ALDOA: variants seen among roughly 807,000 people sequenced by gnomAD.
ALDOA encodes fructose-bisphosphate aldolase A.
A neutral mutation model predicts 43.9 loss-of-function variants in ALDOA; 26 were observed. That is an observed-to-expected ratio of 0.59 (90% CI 0.43 to 0.82). ALDOA has a LOEUF of 0.82. Among genes scored for constraint, ALDOA ranks in the 40% least tolerant of loss-of-function variants. ALDOA has a pLI of 0.00. For missense variants in ALDOA, 498 were observed against 549.5 expected (o/e 0.91, Z 0.94); for synonymous variants, 258 against 222.6 (o/e 1.16, Z -1.42).
In ALDOA at chr16:30,069,558, G is replaced by A; in HGVS notation, c.846G>A (p.Leu282=). ...SDHHIYLEGT[L]LKPNMVTPGH... Reference sequence around the variant, plus strand: ...ACCACATCTACCTGGAAGGCACCTTGCTGAAGCCCAACATGGTCACCCCAG... The same window carrying A: ...ACCACATCTACCTGGAAGGCACCTTACTGAAGCCCAACATGGTCACCCCAG... Residue 282 remains leucine (L), a synonymous_variant, in exon 8 of 10, where the codon TTG becomes TTA. Coordinates refer to ENST00000642816, the MANE Select transcript of ALDOA (RefSeq NM_001243177.4). 6.2e-7 allele frequency: 1 copy of A among 1,614,102 alleles called. No homozygotes were observed. Among genetic ancestry groups the A allele is most frequent in the East Asian group, 2.2e-5 (1 of 44,888 alleles).
Position 30,069,901 on chromosome 16 carries a change from C to T in ALDOA, c.1033C>T (p.Pro345Ser), listed in dbSNP as rs1283651383. 9 of 1,614,038 alleles carry T rather than the reference C, an allele frequency of 5.6e-6. No homozygotes were observed. Among genetic ancestry groups the T allele is most frequent in the South Asian group, 5.5e-5 (5 of 91,094 alleles). ...SINLNAINKC[P>S]LLKPWALTFS... Reference sequence around the variant, plus strand: ...CAACCTCAATGCCATTAACAAGTGCCCCCTGCTGAAGCCCTGGGCCCTGAC... The same window carrying T: ...CAACCTCAATGCCATTAACAAGTGCTCCCTGCTGAAGCCCTGGGCCCTGAC... Residue 345 changes from proline to serine, a missense_variant, in exon 9 of 10, where the codon CCC becomes TCC. Transcript: ENST00000642816.
chr16:30,069,123 G>A, intron 6 of ALDOA, 145 bp downstream of exon 6: 2 of 1,409,900 alleles, frequency 1.4e-6, no homozygotes, highest in Non-Finnish European at 2.0e-6. Flanking sequence ...GCTGTTGAAG[G>A]CAGAGGGGCC....
At chr16:30,066,187 C>G (rs750851321) in intron 1 of ALDOA, 25 of 152,374 alleles carry the variant, frequency 1.6e-4, no homozygotes, top group African/African-American at 5.8e-4. Flanking sequence ...GCAGGGACCC[C>G]TGTGGCAAAG....
Position 30,066,865 on chromosome 16 carries a change from C to T in ALDOA, c.-13-20C>T, listed in dbSNP as rs1354750681. 28 of 1,544,672 alleles carry T rather than the reference C, an allele frequency of 1.8e-5. No individual in the cohort carries two copies. Among genetic ancestry groups the T allele is most frequent in the East Asian group, 7.4e-5 (3 of 40,788 alleles). ...ACGATCTTTACATTCTAAAATACTC[C>T]GGTTCGGTTTTGTTTTCAGGCAAGG... On this transcript the variant is annotated intron_variant, in intron 1 of 9. Transcript: ENST00000642816.
chr16:30,069,096 G>A (rs758857222), intron 6 of ALDOA, 118 bp downstream of exon 6: 21 of 1,510,636 alleles, frequency 1.4e-5, no homozygotes, highest in African/African-American at 2.7e-5. Context: ...GCTTTGGCCC[G>A]TGGAGGACAC....
At chr16:30,064,395 G>A, upstream of ALDOA, 4 of 398,780 alleles carry the variant, frequency 1.0e-5, no homozygotes, top group Admixed American at 8.8e-5. Flanking sequence ...CACGTGATCC[G>A]AGTCCCCTCA....
At chr16:30,065,051 A>G (rs981512820), upstream of ALDOA, among the ~76,000 whole-genome samples, 2 of 152,250 alleles carry the variant, frequency 1.3e-5, no homozygotes, top group African/African-American at 4.8e-5. Flanking sequence ...TCTGTGGCGC[A>G]GAGGACTACC....
At chr16:30,069,252 A>AG in intron 6 of ALDOA, 54 bp from the exon 7 acceptor site, 3 of 1,573,150 alleles carry the variant, frequency 1.9e-6, no homozygotes, top group Non-Finnish European at 2.6e-6. Context: ...GGAGAGATGT[A>AG]GGTGGGACTC....
rs201468609 is a variant in ALDOA, at chr16:30,067,539, G to A, written c.364G>A (p.Asp122Asn). Reference protein sequence around the residue: ...FYRQLLLTADDRVNPCIGGVI... With the variant: ...FYRQLLLTADNRVNPCIGGVI... ...CCGCCAGCTGCTGCTGACAGCTGAC[G>A]ACCGCGTGAACCCCTGCATTGGGGG... is the stretch of plus-strand genomic sequence containing the variant. Residue 122 changes from aspartate to asparagine, a missense_variant, in exon 4 of 10, where the codon GAC becomes AAC. Physicochemically the swap from Asp to Asn is conservative, Grantham distance 23 (BLOSUM62 1). Coordinates refer to ENST00000642816, the MANE Select transcript of ALDOA (RefSeq NM_001243177.4). 9.7e-5 allele frequency: 157 copies of A among 1,613,834 alleles called. No individual in the cohort carries two copies. In the East Asian group the frequency reaches 3.3e-3, roughly 34 times the overall value.
Position 30,070,371 on chromosome 16 carries a change from A to C in ALDOA, c.*159A>C. ...GTCGTCTGTGAATGCTAAGTCCATC[A>C]CCCTTTCCGGCACACTGCCAAATAA... On this transcript the variant is annotated 3_prime_UTR_variant, in exon 10 of 10. Coordinates refer to ENST00000642816, the MANE Select transcript of ALDOA (RefSeq NM_001243177.4). The C allele has an allele frequency of 1.5e-6, 1 of 681,836 alleles. No individual in the cohort carries two copies. Among genetic ancestry groups the C allele is most frequent in the Non-Finnish European group, 2.6e-6 (1 of 386,288 alleles). 42.2% of individuals were successfully genotyped at this position (681,836 alleles called of 1,614,324 possible).
Position 30,068,702 on chromosome 16 carries a change from T to C in ALDOA, c.541+2T>C. On this transcript the variant is annotated splice_donor_variant, in intron 5 of 9. Coordinates refer to ENST00000642816, the MANE Select transcript of ALDOA (RefSeq NM_001243177.4). LOFTEE classifies it high-confidence loss of function. ...CAAATGGCGAGACTACCACCCAAGG[T>C]GAGAACTGTTTGATTCTCTGCCCTA... 1 of 1,614,204 alleles carries C rather than the reference T, an allele frequency of 6.2e-7. No homozygotes were observed. Among genetic ancestry groups the C allele is most frequent in the Non-Finnish European group, 8.5e-7 (1 of 1,180,038 alleles).
intron 1 of ALDOA, chr16:30,066,344 C>T (rs752494151): frequency 6.6e-6 from 1 of 152,546 alleles, no homozygotes; most frequent in Non-Finnish European, 1.5e-5. Context: ...GAAACCCCTC[C>T]GCGGTGCTTG....
At chr16:30,065,153 T>G (rs1020599841), upstream of ALDOA, among the ~76,000 whole-genome samples, 4 of 152,158 alleles carry the variant, frequency 2.6e-5, no homozygotes, top group African/African-American at 9.7e-5. Context: ...AGGTCTCGCC[T>G]CCGCGCGCCG....
chr16:30,064,383 G>T, upstream of ALDOA: 1 of 398,786 alleles, frequency 2.5e-6, no homozygotes, highest in Non-Finnish European at 4.4e-6. Context: ...TGGCAGGGAG[G>T]CCACGTGATC....
In ALDOA at chr16:30,069,744, C is replaced by A; in HGVS notation, c.961+71C>A. 5.6e-6 allele frequency: 9 copies of A among 1,611,442 alleles called. No individual in the cohort carries two copies. In the South Asian group the frequency reaches 9.9e-5, roughly 18 times the overall value. On this transcript the variant is annotated intron_variant, in intron 8 of 9. Transcript: ENST00000642816. ...ACCCACAACCCTATGCCCATTTGGA[C>A]GGATTTCCATGGCAACTTCCACCAG...
intron 1 of ALDOA, chr16:30,066,283 A>C (rs2072100866): frequency 6.6e-6 from 1 of 152,502 alleles, no homozygotes; most frequent in African/African-American, 2.4e-5. Flanking sequence ...GGTTCTCGCA[A>C]GTGGGAGCTT....
chr16:30,065,357 G>A (rs2072061621), upstream of ALDOA, among the ~76,000 whole-genome samples: 1 of 152,224 alleles, frequency 6.6e-6, no homozygotes, highest in African/African-American at 2.4e-5. Context: ...GGAAGCTGGG[G>A]CGGCCCCGGG....
rs3098414 is a variant in ALDOA, at chr16:30,068,578, G to A, written c.487-68G>A. 7.3e-5 allele frequency: 113 copies of A among 1,557,368 alleles called. No individual in the cohort carries two copies. In the East Asian group the frequency reaches 2.0e-3, roughly 28 times the overall value. Reference sequence around the variant, plus strand: ...AGATTCCACCACTGTACTCCAGCCGGGGCGACAGTGGAAAGGGTGCTAGAG... The same window carrying A: ...AGATTCCACCACTGTACTCCAGCCGAGGCGACAGTGGAAAGGGTGCTAGAG... On this transcript the variant is annotated intron_variant, in intron 4 of 9. Transcript: ENST00000642816.
rs1138624 is a variant in ALDOA at position 30,070,244 on chromosome 16, C to T, written c.*32C>T. On this transcript the variant is annotated 3_prime_UTR_variant, in exon 10 of 10. Coordinates refer to ENST00000642816, the MANE Select transcript of ALDOA (RefSeq NM_001243177.4). ...GTGTTCCCAGGCTGCCCCCAACACT[C>T]CAGGCCCTGCCCCCTCCCACTCTTG... The T allele has an allele frequency of 1.2e-6, 2 of 1,604,720 alleles. No individual in the cohort carries two copies. Among genetic ancestry groups the T allele is most frequent in the Non-Finnish European group, 1.7e-6 (2 of 1,171,764 alleles).
Sources: allele counts gnomAD v4.1 joint callset (sites outside exome capture counted in the v4.1 genomes callset), GRCh38; gene constraint gnomAD v4.1.1; transcripts MANE v1.5; gene names NCBI Gene and HGNC (gene_info 2026-07-23, HGNC 2026-07-21).